SYT7: variants seen among roughly 807,000 people sequenced by gnomAD.
SYT7 encodes the protein synaptotagmin-7.
Under a neutral mutation model 75.1 loss-of-function variants are expected in SYT7, and 29 were observed. The observed-to-expected ratio is 0.39, with a 90% CI of 0.29 to 0.53. The LOEUF is 0.53. Ranked by LOEUF, SYT7 falls within the 20% of genes least tolerant of loss-of-function variation. The pLI is 0.77. For synonymous variants in SYT7, 376 were observed against 401.7 expected (o/e 0.94, Z 0.76); for missense variants, 693 against 953.2 (o/e 0.73, Z 3.59).
At chr11:61,558,581 C>T (rs1052336737) in intron 1 of SYT7, among the ~76,000 whole-genome samples, 1 of 151,386 alleles carries the variant, frequency 6.6e-6, no homozygotes, top group Admixed American at 6.6e-5. Context: ...GGGAACAGGC[C>T]CTGCCCACAA....
chr11:61,556,067 T>C, intron 2 of SYT7, 37 bp downstream of exon 2: 1 of 1,561,548 alleles, frequency 6.4e-7, no homozygotes, highest in Non-Finnish European at 8.8e-7. Context: ...TGTGCAGGGC[T>C]AGGCACCACC....
chr11:61,532,254 C>T (rs2062735113), intron 8 of SYT7, among the ~76,000 whole-genome samples: 1 of 152,236 alleles, frequency 6.6e-6, no homozygotes, highest in African/African-American at 2.4e-5. Flanking sequence ...CTTCCTGAGA[C>T]TTCTGAGCTA....
chr11:61,523,402 C>A lies in SYT7; in HGVS notation c.1757-128G>T. ...GCTTTCCCCAGAGGCAAGGAAAGAC[C>A]CAGGCAAGAACAAGAGGGACCTGGG... is the stretch of plus-strand genomic sequence containing the variant. On this transcript the variant is annotated intron_variant, in intron 11 of 12. Coordinates refer to ENST00000539008, the MANE Select transcript of SYT7 (RefSeq NM_001365809.2). This position sits in a 1 kb window ranked among gnomAD's most constrained non-coding sequence, Gnocchi z 5.0. 1.1e-6 allele frequency: 1 copy of A among 892,564 alleles called. No individual in the cohort carries two copies. Among genetic ancestry groups the A allele is most frequent in the Non-Finnish European group, 1.8e-6 (1 of 569,632 alleles). The allele number at this position is 892,564 out of a possible 1,614,324, so 55.3% of individuals were successfully genotyped here.
intron 1 of SYT7, among the ~76,000 whole-genome samples, chr11:61,565,801 A>G (rs1392043968): frequency 6.6e-6 from 1 of 152,260 alleles, no homozygotes; most frequent in African/African-American, 2.4e-5. Flanking sequence ...TGTTTTGGAA[A>G]GTTACAAGTA....
At chr11:61,539,359 G>C (rs1362266847) in intron 6 of SYT7, among the ~76,000 whole-genome samples, 1 of 152,186 alleles carries the variant, frequency 6.6e-6, no homozygotes, top group African/African-American at 2.4e-5. Flanking sequence ...GTCTTTGCGA[G>C]GTTACCCGCA....
chr11:61,544,313 C>T (rs2063125064), intron 5 of SYT7, among the ~76,000 whole-genome samples: 3 of 151,850 alleles, frequency 2.0e-5, no homozygotes. Context: ...ACCCTGGGAA[C>T]CAAAAGACAA....
chr11:61,554,058 C>G (rs150203721), intron 2 of SYT7, among the ~76,000 whole-genome samples: 24 of 152,148 alleles, frequency 1.6e-4, no homozygotes, highest in African/African-American at 5.5e-4. Context: ...GGTCTGGACC[C>G]TGGGAGGGTT....
chr11:61,572,577 C>T (rs555192015), intron 1 of SYT7, among the ~76,000 whole-genome samples: 33 of 152,224 alleles, frequency 2.2e-4, no homozygotes, highest in Admixed American at 3.9e-4. Context: ...CTCATTTGCA[C>T]TGCAGTGAAT....
Position 61,524,592 on chromosome 11 carries a change from AGGCAAGGAAGGCCCTG to A in SYT7, c.1472-76_1472-61del. 1 of 1,497,776 alleles carries A rather than the reference AGGCAAGGAAGGCCCTG, an allele frequency of 6.7e-7. No homozygotes were observed. The highest frequency in any genetic ancestry group is 2.3e-5 in the East Asian group (1 of 42,844). 92.8% of individuals were successfully genotyped at this position (1,497,776 alleles called of 1,614,324 possible). A position where few individuals can be genotyped will look rare whatever the true frequency, so the allele number is the denominator to read the frequency against. On this transcript the variant is annotated intron_variant, in intron 9 of 12. Transcript: ENST00000539008. The surrounding 1 kb of genome is among the most constrained non-coding windows in gnomAD (Gnocchi z 4.1). ...ACAGAGGGGCTGCACGGGGCCCGGG[AGGCAAGGAAGGCCCTG>A]GGAAGAGGAGGCAGGCCCTGTGCCC...
rs1014107913 is a variant in SYT7, at chr11:61,542,480, C to A, written c.672G>T (p.Gln224His). 10 of 1,532,920 alleles carry A rather than the reference C, an allele frequency of 6.5e-6. 1 individual carries two copies. In the African/African-American group the frequency reaches 1.4e-4, roughly 21 times the overall value. The allele number at this position is 1,532,920 out of a possible 1,614,324, so 95.0% of individuals were successfully genotyped here. ...KCQRPRTLMR[Q>H]QSLQQPLSQH... is the part of the protein sequence containing the mutation. ...GGCTCAGCGGCTGTTGCAGGCTCTGCTGCCGCATCAGGGTGCGGGGTCGCT... is the reference window on the plus strand; with the variant it reads ...GGCTCAGCGGCTGTTGCAGGCTCTGATGCCGCATCAGGGTGCGGGGTCGCT... The change falls in exon 6 of 13, where the codon CAG becomes CAT. Residue 224 changes from glutamine to histidine, a missense_variant. By Grantham distance (24) the Gln-to-His change is conservative. Coordinates refer to ENST00000539008, the MANE Select transcript of SYT7 (RefSeq NM_001365809.2). The surrounding 1 kb of genome is among the most constrained non-coding windows in gnomAD (Gnocchi z 7.8).
chr11:61,527,397 A>G (rs951966971), intron 9 of SYT7, among the ~76,000 whole-genome samples: 3 of 152,232 alleles, frequency 2.0e-5, no homozygotes, highest in African/African-American at 7.2e-5. Context: ...AACTTGCCCA[A>G]GGTCACGCAG....
intron 1 of SYT7, among the ~76,000 whole-genome samples, chr11:61,560,322 G>C (rs2063603944): frequency 1.3e-5 from 2 of 152,176 alleles, no homozygotes; most frequent in African/African-American, 4.8e-5. Flanking sequence ...AGCAGATAAG[G>C]CTGTGATCCC....
chr11:61,549,128 C>T (rs546593032), intron 3 of SYT7, among the ~76,000 whole-genome samples: 1 of 152,188 alleles, frequency 6.6e-6, no homozygotes, highest in African/African-American at 2.4e-5. Context: ...CTCTTTCCCG[C>T]TCCCTCCAGA....
intron 1 of SYT7, among the ~76,000 whole-genome samples, chr11:61,579,955 A>T (rs1380577059): frequency 6.6e-6 from 1 of 152,212 alleles, no homozygotes; most frequent in Non-Finnish European, 1.5e-5. Context: ...GTGAGGAGGC[A>T]TCAGGAGCCA....
chr11:61,541,085 G>C (rs556468833), intron 6 of SYT7: 1 of 985,508 alleles, frequency 1.0e-6, no homozygotes, highest in East Asian at 1.1e-4. Context: ...CTCTCCCAGG[G>C]CAGTGCTCCC....
In SYT7 at chr11:61,551,510, C is replaced by A; in HGVS notation, c.136-47G>T. On this transcript the variant is annotated intron_variant, in intron 2 of 12. Coordinates refer to ENST00000539008, the MANE Select transcript of SYT7 (RefSeq NM_001365809.2). This position sits in a 1 kb window ranked among gnomAD's most constrained non-coding sequence, Gnocchi z 5.3. ...CACTCCTGGGGAACAGGACTGTACC[C>A]TCCCTACCTCCCCAGAACAGGGACC... is the stretch of plus-strand genomic sequence containing the variant. 6.3e-7 allele frequency: 1 copy of A among 1,580,424 alleles called. No individual in the cohort carries two copies. Among genetic ancestry groups the A allele is most frequent in the South Asian group, 1.1e-5 (1 of 90,200 alleles).
intron 7 of SYT7, among the ~76,000 whole-genome samples, chr11:61,534,369 G>GCA (rs1001669610): frequency 1.3e-5 from 2 of 151,036 alleles, no homozygotes; most frequent in South Asian, 2.1e-4. Flanking sequence ...GTGCACGTGC[G>GCA]CACACACACA....
chr11:61,533,726 C>A, intron 7 of SYT7: 1 of 944,594 alleles, frequency 1.1e-6, no homozygotes, highest in Non-Finnish European at 1.3e-6. Context: ...TCCAGTGGAG[C>A]AGCCACATGC....
At chr11:61,548,040 C>A (rs1423900725) in intron 3 of SYT7, among the ~76,000 whole-genome samples, 1 of 152,240 alleles carries the variant, frequency 6.6e-6, no homozygotes, top group Non-Finnish European at 1.5e-5. Context: ...TGGGCTGCAG[C>A]CTTAACCTAA....
Sources: allele counts gnomAD v4.1 joint callset (sites outside exome capture counted in the v4.1 genomes callset), GRCh38; gene constraint gnomAD v4.1.1; non-coding constraint Gnocchi (gnomAD v3.1); transcripts MANE v1.5; gene names NCBI Gene and HGNC (gene_info 2026-07-23, HGNC 2026-07-21).